Variants in SCHIP1 observed in about 807,000 individuals in gnomAD.
SCHIP1 encodes schwannomin-interacting protein 1.
A neutral mutation model predicts 29.7 loss-of-function variants in SCHIP1; 8 were observed. The ratio of observed to expected loss-of-function variants is 0.27; its 90% CI spans 0.16 to 0.49. The LOEUF is 0.49. SCHIP1 is among the 20% of genes least tolerant of loss of function. The pLI is 0.99. For missense variants in SCHIP1, 193 were observed against 294.6 expected, an observed-to-expected ratio of 0.66 and a Z score of 2.52; for synonymous variants, 76 against 94.9, an observed-to-expected ratio of 0.80 and a Z score of 1.16.
the SCHIP1 span, among the ~76,000 whole-genome samples, chr3:159,570,586 C>T: frequency 1.3e-5 from 2 of 152,176 alleles, no homozygotes; most frequent in African/African-American, 4.8e-5. Context: ...CGTGATGCCT[C>T]CAGCTTTGTT....
chr3:159,383,125 G>A, the SCHIP1 span, among the ~76,000 whole-genome samples: 1 of 150,318 alleles, frequency 6.7e-6, no homozygotes, highest in African/African-American at 2.5e-5. Context: ...GGTCCCATTT[G>A]TCAATTTTGG....
chr3:159,362,391 C>T, the SCHIP1 span, among the ~76,000 whole-genome samples: 2 of 152,134 alleles, frequency 1.3e-5, no homozygotes, highest in Admixed American at 6.6e-5. Flanking sequence ...CTGCACAGCA[C>T]GGGAGACAAT....
At chr3:159,577,473 G>T in the SCHIP1 span, among the ~76,000 whole-genome samples, 2 of 152,174 alleles carry the variant, frequency 1.3e-5, no homozygotes, top group Admixed American at 6.5e-5. Context: ...AAAGATGCTG[G>T]TTATTGTAAG....
the SCHIP1 span, among the ~76,000 whole-genome samples, chr3:159,644,457 A>AGGTT: frequency 6.6e-6 from 1 of 151,688 alleles, no homozygotes; most frequent in Admixed American, 6.6e-5. Context: ...GGTTATCTGT[A>AGGTT]ATTCTAGTGT....
the SCHIP1 span, among the ~76,000 whole-genome samples, chr3:159,343,409 G>A: frequency 6.6e-6 from 1 of 152,192 alleles, no homozygotes; most frequent in Non-Finnish European, 1.5e-5. Flanking sequence ...TTGATCGTAG[G>A]AGTGTAGGAA....
the SCHIP1 span, among the ~76,000 whole-genome samples, chr3:159,707,007 T>G: frequency 5.9e-5 from 9 of 152,220 alleles, no homozygotes; most frequent in Non-Finnish European, 1.0e-4. Flanking sequence ...AGACATGGCC[T>G]CTCTCATGCA....
chr3:159,772,470 CTT>C, the SCHIP1 span, among the ~76,000 whole-genome samples: 1 of 152,266 alleles, frequency 6.6e-6, no homozygotes, highest in South Asian at 2.1e-4. Context: ...TGAATTCTCT[CTT>C]GTCTTCTTAT....
At chr3:159,362,443 G>A in the SCHIP1 span, among the ~76,000 whole-genome samples, 4 of 152,174 alleles carry the variant, frequency 2.6e-5, no homozygotes, top group Non-Finnish European at 5.9e-5. Flanking sequence ...CAAGTGTTTG[G>A]ATTATTAAGT....
At chr3:159,274,623 T>A in the SCHIP1 span, 3,327 of 827,298 alleles carry the variant, frequency 4.0e-3, 85 homozygotes, top group African/African-American at 0.059. Context: ...TGTAGTTCTA[T>A]GATATTATTA....
At chr3:159,599,436 A>C in the SCHIP1 span, among the ~76,000 whole-genome samples, 1 of 152,072 alleles carries the variant, frequency 6.6e-6, no homozygotes, top group African/African-American at 2.4e-5. Flanking sequence ...AAGTCCCCAA[A>C]GTATCATTCT....
upstream of SCHIP1, among the ~76,000 whole-genome samples, chr3:159,838,672 CAA>C (rs1743902375): frequency 6.6e-6 from 1 of 151,982 alleles, no homozygotes; most frequent in South Asian, 2.1e-4. Context: ...AGGCGGATCA[CAA>C]GGTCAGGAGA....
the SCHIP1 span, among the ~76,000 whole-genome samples, chr3:159,677,304 AG>A: frequency 6.6e-6 from 1 of 152,220 alleles, no homozygotes; most frequent in Admixed American, 6.5e-5. Flanking sequence ...CAGAGGCCCA[AG>A]GAGTGGCCAG....
the SCHIP1 span, among the ~76,000 whole-genome samples, chr3:159,520,325 G>A: frequency 6.6e-6 from 1 of 152,056 alleles, no homozygotes; most frequent in Non-Finnish European, 1.5e-5. Flanking sequence ...AGCTTCCCGG[G>A]CAGATGAGCA....
At chr3:159,463,699 C>T in the SCHIP1 span, among the ~76,000 whole-genome samples, 1 of 151,740 alleles carries the variant, frequency 6.6e-6, no homozygotes, top group Non-Finnish European at 1.5e-5. Flanking sequence ...TCCCTTGTCC[C>T]CATATCCCCA....
the SCHIP1 span, among the ~76,000 whole-genome samples, chr3:159,800,643 A>G: frequency 1.3e-5 from 2 of 152,128 alleles, no homozygotes; most frequent in Admixed American, 1.3e-4. Flanking sequence ...TGAAGGTCCT[A>G]GTGACATAAG....
chr3:159,394,934 C>A, the SCHIP1 span, among the ~76,000 whole-genome samples: 1 of 152,156 alleles, frequency 6.6e-6, no homozygotes, highest in Non-Finnish European at 1.5e-5. Flanking sequence ...GGCTGTGAAT[C>A]CGTCTGGGCC....
At chr3:159,566,459 A>G in the SCHIP1 span, among the ~76,000 whole-genome samples, 1 of 152,224 alleles carries the variant, frequency 6.6e-6, no homozygotes, top group East Asian at 1.9e-4. Flanking sequence ...ATCTACATAA[A>G]TCTACATACA....
chr3:159,608,229 G>T, the SCHIP1 span, among the ~76,000 whole-genome samples: 1 of 152,158 alleles, frequency 6.6e-6, no homozygotes, highest in Non-Finnish European at 1.5e-5. Flanking sequence ...CTAACTTTAT[G>T]GAATTAAAGT....
the SCHIP1 span, among the ~76,000 whole-genome samples, chr3:159,416,239 A>G: frequency 2.0e-5 from 3 of 152,180 alleles, no homozygotes; most frequent in African/African-American, 7.2e-5. Flanking sequence ...TGAGTCTCAG[A>G]GCAAATGTGA....
Sources: allele counts gnomAD v4.1 joint callset (sites outside exome capture counted in the v4.1 genomes callset), GRCh38; gene constraint gnomAD v4.1.1; transcripts MANE v1.5; gene names NCBI Gene and HGNC (gene_info 2026-07-23, HGNC 2026-07-21).